PLPP1: variants seen among roughly 807,000 people sequenced by gnomAD.
PLPP1 encodes the protein phospholipid phosphatase 1.
Under a neutral mutation model 31.2 loss-of-function variants are expected in PLPP1, and 24 were observed. The ratio of observed to expected loss-of-function variants is 0.77; its 90% CI spans 0.56 to 1.08. The LOEUF (loss-of-function observed/expected upper bound fraction) is 1.08, where lower values mean the gene tolerates loss of function less well. Among genes scored for constraint, PLPP1 ranks in the 50% least tolerant of loss-of-function variants. PLPP1 has a pLI of 0.00. For synonymous variants in PLPP1, 146 were observed against 126.3 expected (o/e 1.16, Z -1.05); for missense variants, 319 against 342.7 (o/e 0.93, Z 0.55).
intron 1 of PLPP1, among the ~76,000 whole-genome samples, chr5:55,494,846 C>T (rs1281202813): frequency 6.6e-6 from 1 of 151,798 alleles, no homozygotes; most frequent in Non-Finnish European, 1.5e-5. Flanking sequence ...ATTGGCCAGG[C>T]GCAGTGGCTC....
chr5:55,534,326 A>G (rs866631448), intron 1 of PLPP1, among the ~76,000 whole-genome samples: 5 of 152,162 alleles, frequency 3.3e-5, no homozygotes, highest in South Asian at 2.1e-4. Flanking sequence ...TGGAGCGCAG[A>G]GGCGTGAACA....
At position 55,425,297 on chromosome 5, in the gene PLPP1, G is replaced by T. The variant is rs370639768; in HGVS notation, c.764C>A (p.Ser255Tyr). 16 of 1,609,486 alleles carry T rather than the reference G, an allele frequency of 9.9e-6. No individual in the cohort carries two copies. The highest frequency in any genetic ancestry group is 1.3e-5 in the Non-Finnish European group (15 of 1,176,350). The change falls in exon 6 of 6, where the codon TCT (serine) becomes TAT (tyrosine). Residue 255 changes from serine to tyrosine, a missense_variant. Physicochemically the swap from Ser to Tyr is moderately radical, Grantham distance 144 (BLOSUM62 -2). Transcript: ENST00000307259. The part of the protein sequence containing the change: ...YVSDFFKERT[S>Y]FKERKEEDSH... ...GTCCTCCTCTTTTCTTTCTTTAAAAGAAGTTCTTTCTTTGAAGAAATCCGA... is the reference window on the plus strand; with the variant it reads ...GTCCTCCTCTTTTCTTTCTTTAAAATAAGTTCTTTCTTTGAAGAAATCCGA...
intron 1 of PLPP1, among the ~76,000 whole-genome samples, chr5:55,511,792 T>C (rs1753419070): frequency 6.7e-6 from 1 of 149,454 alleles, no homozygotes. Flanking sequence ...GCCTCCAGAG[T>C]AGCTGGGACT....
Position 55,534,803 on chromosome 5 carries a change from C to G in PLPP1, c.-174G>C. 1 of 603,740 alleles carries G rather than the reference C, an allele frequency of 1.7e-6. No individual in the cohort carries two copies. The highest frequency in any genetic ancestry group is 3.4e-5 in the East Asian group (1 of 29,254). 37.4% of individuals were successfully genotyped at this position (603,740 alleles called of 1,614,324 possible). The stretch of plus-strand genomic sequence containing the variant: ...CTGAGACCGGGCGGCGCTCCCACCG[C>G]CAGCAATGGCGCCCGGGGCCCTCCC... On this transcript the variant is annotated 5_prime_UTR_variant, in exon 1 of 6. Coordinates refer to ENST00000307259, the MANE Select transcript of PLPP1 (RefSeq NM_003711.4).
At chr5:55,477,240 C>T (rs1030068856) in intron 1 of PLPP1, among the ~76,000 whole-genome samples, 3 of 152,168 alleles carry the variant, frequency 2.0e-5, no homozygotes, top group African/African-American at 7.2e-5. Context: ...CACTTATCAG[C>T]ACACACTGTG....
chr5:55,443,192 A>AAAAATATATATATATAT, intron 3 of PLPP1, among the ~76,000 whole-genome samples: 50 of 25,424 alleles, frequency 2.0e-3, no homozygotes, highest in Non-Finnish European at 3.0e-3. Context: ...AAAAAAAAAA[A>AAAAATATATATATATAT]ATATATATAT....
At chr5:55,455,237 A>G (rs928547530) in intron 3 of PLPP1, among the ~76,000 whole-genome samples, 8 of 151,642 alleles carry the variant, frequency 5.3e-5, no homozygotes, top group African/African-American at 1.9e-4. Context: ...AGAAAAAAAG[A>G]AAAAAAAAGC....
chr5:55,514,981 T>C (rs981503159), intron 1 of PLPP1, among the ~76,000 whole-genome samples: 5 of 152,234 alleles, frequency 3.3e-5, no homozygotes, highest in African/African-American at 4.8e-5. Context: ...TGCTACTTTA[T>C]ATACACAGAT....
At chr5:55,463,526 TG>T (rs1349957775) in intron 3 of PLPP1, among the ~76,000 whole-genome samples, 1 of 151,842 alleles carries the variant, frequency 6.6e-6, no homozygotes, top group African/African-American at 2.4e-5. Context: ...CTGGGCATGG[TG>T]GCACACACCT....
At chr5:55,425,791 A>ATTTTTTTTT in intron 5 of PLPP1, 72 bp downstream of exon 5, 1 of 1,009,696 alleles carries the variant, frequency 9.9e-7, no homozygotes, top group Non-Finnish European at 1.4e-6. Context: ...GATTTTTTGG[A>ATTTTTTTTT]TTTTTTTTTT....
chr5:55,490,778 T>C (rs1173466024), intron 1 of PLPP1, among the ~76,000 whole-genome samples: 3 of 152,176 alleles, frequency 2.0e-5, no homozygotes, highest in East Asian at 1.9e-4. Flanking sequence ...CTGGGTAACA[T>C]CCACCTTTAA....
chr5:55,486,568 A>G (rs1752779144), intron 1 of PLPP1, among the ~76,000 whole-genome samples: 1 of 152,072 alleles, frequency 6.6e-6, no homozygotes, highest in African/African-American at 2.4e-5. Flanking sequence ...CCTGGGCAAC[A>G]GAGCCAGACT....
intron 3 of PLPP1, among the ~76,000 whole-genome samples, chr5:55,465,283 G>A (rs372300845): frequency 2.0e-5 from 3 of 152,224 alleles, no homozygotes; most frequent in South Asian, 4.2e-4. Context: ...GACCTCGAGT[G>A]ATCTGCCTGC....
At chr5:55,443,175 C>CT in intron 3 of PLPP1, among the ~76,000 whole-genome samples, 3 of 17,366 alleles carry the variant, frequency 1.7e-4, no homozygotes, top group Admixed American at 8.8e-4. Flanking sequence ...GAAAGGATTA[C>CT]TTAAAAAAAA....
Position 55,424,861 on chromosome 5 carries a change from C to T in PLPP1, c.*345G>A, listed in dbSNP as rs2111642137. ...AATGCCTGCAAGTGTGGATTTGGTT[C>T]TCCCATACATTTTAATATGTATTAT... On this transcript the variant is annotated 3_prime_UTR_variant, in exon 6 of 6. Coordinates refer to ENST00000307259, the MANE Select transcript of PLPP1 (RefSeq NM_003711.4). The T allele has an allele frequency of 2.2e-6, 2 of 909,358 alleles. No homozygotes were observed. The highest frequency in any genetic ancestry group is 3.6e-6 in the Non-Finnish European group (2 of 559,282). The allele number at this position is 909,358 out of a possible 1,614,324, so 56.3% of individuals were successfully genotyped here. A position where few individuals can be genotyped will look rare whatever the true frequency, so the allele number is the denominator to read the frequency against.
At chr5:55,426,955 A>C (rs1473151210) in intron 4 of PLPP1, among the ~76,000 whole-genome samples, 1 of 152,260 alleles carries the variant, frequency 6.6e-6, no homozygotes, top group African/African-American at 2.4e-5. Flanking sequence ...CTTTAAGTTA[A>C]GTTCTATGAG....
chr5:55,475,549 G>T, intron 1 of PLPP1, 99 bp from the exon 2 acceptor site: 1 of 1,145,770 alleles, frequency 8.7e-7, no homozygotes, highest in Non-Finnish European at 1.2e-6. Context: ...AAATGCATTT[G>T]CCATGAAAAT....
intron 1 of PLPP1, among the ~76,000 whole-genome samples, chr5:55,476,331 T>C (rs1209132043): frequency 1.3e-5 from 2 of 151,982 alleles, no homozygotes; most frequent in East Asian, 3.9e-4. Context: ...GCTTAGTTTC[T>C]TAAGAAAAGA....
intron 1 of PLPP1, among the ~76,000 whole-genome samples, chr5:55,502,626 A>C (rs554601778): frequency 6.6e-6 from 1 of 152,324 alleles, no homozygotes; most frequent in East Asian, 1.9e-4. Context: ...TAATTAATTT[A>C]ATTTTAAATT....
Sources: gnomAD v4.1 joint callset for allele counts (sites outside exome capture counted in the v4.1 genomes callset) on GRCh38, gnomAD v4.1.1 for gene constraint, MANE v1.5 for transcripts, NCBI Gene and HGNC (gene_info 2026-07-23, HGNC 2026-07-21) for gene names.